GNAT3: variants seen among roughly 807,000 people sequenced by gnomAD.
The protein encoded by GNAT3 is guanine nucleotide-binding protein G(t) subunit alpha-3.
GNAT3 carries 31 observed loss-of-function variants against 37.7 expected under a neutral mutation model. The observed-to-expected ratio is 0.82, with a 90% CI of 0.62 to 1.11. The LOEUF (loss-of-function observed/expected upper bound fraction) is 1.11, where lower values mean the gene tolerates loss of function less well. GNAT3 is among the 50% of genes most tolerant of loss of function. The pLI, the probability that GNAT3 is intolerant of heterozygous loss-of-function variation, is 0.00. For synonymous variants in GNAT3, 138 were observed against 139.8 expected (o/e 0.99, Z 0.09); for missense variants, 437 against 412.5 (o/e 1.06, Z -0.51).
chr7:80,497,583 T>C (rs1254672251), intron 1 of GNAT3, among the ~76,000 whole-genome samples: 2 of 137,394 alleles, frequency 1.5e-5, no homozygotes, highest in Admixed American at 1.4e-4. Context: ...CATATACGTA[T>C]ATACATATAC....
chr7:80,494,511 G>C, intron 2 of GNAT3, 94 bp downstream of exon 2: 1 of 694,692 alleles, frequency 1.4e-6, no homozygotes, highest in Non-Finnish European at 2.5e-6. Context: ...AGAAAAGATT[G>C]TCAATCAGCA....
chr7:80,488,739 C>T, intron 2 of GNAT3, 63 bp from the exon 3 acceptor site: 4 of 1,220,996 alleles, frequency 3.3e-6, no homozygotes, highest in Non-Finnish European at 4.6e-6. Context: ...TAAAGCACAT[C>T]CAACTAAGTT....
At chr7:80,493,972 T>G (rs1033961926) in intron 2 of GNAT3, among the ~76,000 whole-genome samples, 1 of 152,054 alleles carries the variant, frequency 6.6e-6, no homozygotes, top group Admixed American at 6.6e-5. Context: ...TTCTTCTGCT[T>G]CTTCTTTTAC....
At position 80,492,380 on chromosome 7, in the gene GNAT3, AAAAAT is replaced by A. The variant is rs1457235761; in HGVS notation, c.161+2220_161+2224del. 2.0e-5 allele frequency among the ~76,000 whole-genome samples: 3 copies of A among 151,502 alleles called. No individual in the cohort carries two copies. In the South Asian group the frequency reaches 6.2e-4, roughly 31 times the overall value. On this transcript the variant is annotated intron_variant, in intron 2 of 7. Transcript: ENST00000398291. ...TTAAATAAATAAATAAAATAAAATA[AAAAAT>A]AAAATGTTAATGCAATTTTGTAACC... is the stretch of plus-strand genomic sequence containing the variant.
intron 7 of GNAT3, among the ~76,000 whole-genome samples, chr7:80,461,957 T>C (rs1246677746): frequency 6.6e-6 from 1 of 152,182 alleles, no homozygotes; most frequent in African/African-American, 2.4e-5. Context: ...CAGTTTATTT[T>C]ATTAGGGTTT....
At chr7:80,495,645 A>G (rs1478458557) in intron 1 of GNAT3, among the ~76,000 whole-genome samples, 1 of 151,512 alleles carries the variant, frequency 6.6e-6, no homozygotes, top group Non-Finnish European at 1.5e-5. Context: ...AATTTTTTGT[A>G]GTTTAGTAGA....
chr7:80,493,159 C>CT (rs893003770), intron 2 of GNAT3, among the ~76,000 whole-genome samples: 49 of 151,132 alleles, frequency 3.2e-4, no homozygotes, highest in African/African-American at 7.0e-4. Flanking sequence ...AATAATTGGT[C>CT]TTTTTTTTTC....
At chr7:80,471,047 G>A (rs1439715812) in intron 5 of GNAT3, among the ~76,000 whole-genome samples, 1 of 150,108 alleles carries the variant, frequency 6.7e-6, no homozygotes, top group Non-Finnish European at 1.5e-5. Context: ...TAAGCAAGCA[G>A]AAAAATGTGA....
At chr7:80,460,215 A>G (rs1790027030) in intron 7 of GNAT3, among the ~76,000 whole-genome samples, 1 of 152,192 alleles carries the variant, frequency 6.6e-6, no homozygotes, top group Non-Finnish European at 1.5e-5. Context: ...GAAAGAAGAC[A>G]GTAAGAAAAT....
At chr7:80,471,053 T>C (rs1388428440) in intron 5 of GNAT3, among the ~76,000 whole-genome samples, 2 of 148,882 alleles carry the variant, frequency 1.3e-5, no homozygotes, top group Non-Finnish European at 3.0e-5. Context: ...AGCAGAAAAA[T>C]GTGAAAAGGG....
At chr7:80,475,006 G>T (rs1790280633) in intron 4 of GNAT3, among the ~76,000 whole-genome samples, 1 of 152,044 alleles carries the variant, frequency 6.6e-6, no homozygotes, top group Non-Finnish European at 1.5e-5. Flanking sequence ...CGCAATAAAA[G>T]AAGTACCATT....
intron 2 of GNAT3, among the ~76,000 whole-genome samples, chr7:80,492,254 G>A (rs1790608065): frequency 6.6e-6 from 1 of 151,954 alleles, no homozygotes; most frequent in Non-Finnish European, 1.5e-5. Context: ...TGAGGCAGGA[G>A]AATTGCTTGA....
intron 1 of GNAT3, among the ~76,000 whole-genome samples, chr7:80,507,336 T>A (rs1790966411): frequency 6.6e-6 from 1 of 151,736 alleles, no homozygotes; most frequent in Non-Finnish European, 1.5e-5. Context: ...TAAAAAAAAA[T>A]AAAGACATTA....
rs1790062316 is a variant in GNAT3, at chr7:80,462,223, T to C, written c.810A>G (p.Lys270=). ...STTSIVLFLN[K]KDIFQEKVTK... ...TTACCTTTTCTTGAAAGATATCTTT[T>C]TTGTTGAGGAACAGGACAATGGAGG... The change falls in exon 7 of 8, where the codon AAA becomes AAG. Residue 270 remains lysine, a synonymous_variant. Transcript: ENST00000398291. The C allele has an allele frequency of 6.2e-7, 1 of 1,608,956 alleles. No homozygotes were observed. The highest frequency in any genetic ancestry group is 1.7e-5 in the Admixed American group (1 of 59,464).
At chr7:80,508,539 A>G (rs189918472) in intron 1 of GNAT3, among the ~76,000 whole-genome samples, 15 of 152,106 alleles carry the variant, frequency 9.9e-5, no homozygotes, top group Non-Finnish European at 1.8e-4. Context: ...TTTGCAAGTA[A>G]ATTTTTTAAA....
At chr7:80,471,357 C>T (rs887405945) in intron 5 of GNAT3, among the ~76,000 whole-genome samples, 8 of 151,804 alleles carry the variant, frequency 5.3e-5, no homozygotes, top group Admixed American at 1.3e-4. Context: ...TTTTATCCTT[C>T]GATCCAATTA....
At chr7:80,477,642 T>C (rs1562724058) in intron 4 of GNAT3, among the ~76,000 whole-genome samples, 3 of 152,188 alleles carry the variant, frequency 2.0e-5, no homozygotes, top group Non-Finnish European at 4.4e-5. Context: ...ATCTGAAGTG[T>C]CATGCAAGCT....
intron 3 of GNAT3, among the ~76,000 whole-genome samples, chr7:80,481,401 C>T (rs959644748): frequency 6.6e-6 from 1 of 151,986 alleles, no homozygotes; most frequent in African/African-American, 2.4e-5. Flanking sequence ...CTCATTAGGC[C>T]CTCCTCCCTT....
intron 1 of GNAT3, among the ~76,000 whole-genome samples, chr7:80,499,969 C>A (rs1026314014): frequency 1.3e-5 from 2 of 152,082 alleles, no homozygotes; most frequent in African/African-American, 2.4e-5. Context: ...TGCTCATATC[C>A]TTTTAAAGAA....
Sources: gnomAD v4.1 joint callset for allele counts (sites outside exome capture counted in the v4.1 genomes callset) on GRCh38, gnomAD v4.1.1 for gene constraint, MANE v1.5 for transcripts, NCBI Gene and HGNC (gene_info 2026-07-23, HGNC 2026-07-21) for gene names.